Variants in PDE11A observed in about 807,000 individuals in gnomAD.
PDE11A encodes the protein dual 3',5'-cyclic-AMP and -GMP phosphodiesterase 11A.
PDE11A carries 100 observed loss-of-function variants against 100.5 expected under a neutral mutation model. That is an observed-to-expected ratio of 1.00 (90% CI 0.85 to 1.18). PDE11A has a LOEUF of 1.18. Ranked by LOEUF, PDE11A falls within the 50% of genes most tolerant of loss-of-function variation. PDE11A has a pLI of 0.00. For missense variants in PDE11A, 1,141 were observed against 1,152.6 expected, an observed-to-expected ratio of 0.99 and a Z score of 0.15; for synonymous variants, 381 against 420.8, an observed-to-expected ratio of 0.91 and a Z score of 1.16.
At chr2:178,072,972 T>C (rs1024744204), upstream of PDE11A, 3 of 985,240 alleles carry the variant, frequency 3.0e-6, no homozygotes. Flanking sequence ...GACTCCTGAT[T>C]GGAACACGAT....
chr2:177,751,955 G>A (rs145541687), intron 10 of PDE11A, among the ~76,000 whole-genome samples: 1 of 152,260 alleles, frequency 6.6e-6, no homozygotes, highest in African/African-American at 2.4e-5. Context: ...AGGGGTTAAG[G>A]TGTTGCCTAC....
At chr2:177,784,647 C>G (rs763318548) in intron 9 of PDE11A, among the ~76,000 whole-genome samples, 1 of 152,214 alleles carries the variant, frequency 6.6e-6, no homozygotes, top group African/African-American at 2.4e-5. Flanking sequence ...TCACTTTACT[C>G]TATCACTTTA....
At chr2:178,076,126 A>G (rs1272625140), upstream of PDE11A, among the ~76,000 whole-genome samples, 1 of 152,138 alleles carries the variant, frequency 6.6e-6, no homozygotes, top group Non-Finnish European at 1.5e-5. Flanking sequence ...CACACGTGAA[A>G]AGGCATGATA....
Position 177,757,003 on chromosome 2 carries a change from C to T in PDE11A, c.1788+12320G>A, listed in dbSNP as rs116681230. ...AAGACGAGAAGAATCTCAAACAAAA[C>T]GCATTCCATGACATTTCAAAAAGGA... On this transcript the variant is annotated intron_variant, in intron 10 of 19. Coordinates refer to ENST00000286063, the MANE Select transcript of PDE11A (RefSeq NM_016953.4). Among the ~76,000 whole-genome samples, 328 of 152,282 alleles carry T rather than the reference C, an allele frequency of 2.2e-3. 1 individual carries two copies. Among genetic ancestry groups the T allele is most frequent in the African/African-American group, 7.5e-3 (312 of 41,546 alleles).
At chr2:178,010,550 A>G (rs1408327969) in intron 2 of PDE11A, among the ~76,000 whole-genome samples, 2 of 152,224 alleles carry the variant, frequency 1.3e-5, no homozygotes, top group African/African-American at 4.8e-5. Context: ...CAGTAATTTC[A>G]GTCTTTGGAA....
At chr2:177,679,641 G>A (rs763731325) in intron 16 of PDE11A, among the ~76,000 whole-genome samples, 2 of 152,124 alleles carry the variant, frequency 1.3e-5, no homozygotes, top group Non-Finnish European at 2.9e-5. Context: ...TGCCTTGCAA[G>A]AAATTAGGAA....
chr2:177,843,567 C>T (rs1040034383), intron 5 of PDE11A, among the ~76,000 whole-genome samples: 1 of 152,162 alleles, frequency 6.6e-6, no homozygotes, highest in Non-Finnish European at 1.5e-5. Context: ...CTGAAAAACT[C>T]ACTCTAAATC....
At chr2:177,932,137 C>A (rs1361260683) in intron 2 of PDE11A, among the ~76,000 whole-genome samples, 1 of 151,994 alleles carries the variant, frequency 6.6e-6, no homozygotes, top group African/African-American at 2.4e-5. Context: ...ACAAAACAGA[C>A]CAATATCAAT....
chr2:177,770,145 C>A (rs917636274), intron 9 of PDE11A, among the ~76,000 whole-genome samples: 6 of 152,160 alleles, frequency 3.9e-5, no homozygotes, highest in African/African-American at 1.2e-4. Context: ...TGCTTCCCTG[C>A]CCTATTGACA....
chr2:178,090,528 G>GTCAAAATAT (rs61389161), intron 2 of PDE11A, among the ~76,000 whole-genome samples: 8 of 151,496 alleles, frequency 5.3e-5, no homozygotes, highest in African/African-American at 1.7e-4. Flanking sequence ...CTTCCCATAA[G>GTCAAAATAT]TCAAGCTCCA....
intron 19 of PDE11A, among the ~76,000 whole-genome samples, chr2:177,634,630 C>T (rs2080010158): frequency 1.3e-5 from 2 of 152,086 alleles, no homozygotes; most frequent in Non-Finnish European, 2.9e-5. Flanking sequence ...CCTCGTGATC[C>T]CCCCGCCTCC....
At chr2:177,939,392 G>A (rs1228485945) in intron 2 of PDE11A, among the ~76,000 whole-genome samples, 1 of 147,524 alleles carries the variant, frequency 6.8e-6, no homozygotes, top group African/African-American at 2.5e-5. Flanking sequence ...AGGAAGGAGG[G>A]AGAGAGGGAG....
At chr2:177,923,881 G>A (rs1044208953) in intron 2 of PDE11A, among the ~76,000 whole-genome samples, 8 of 152,084 alleles carry the variant, frequency 5.3e-5, no homozygotes, top group Non-Finnish European at 7.4e-5. Flanking sequence ...AACATCCAGC[G>A]CAATACCTAG....
rs142512764 is a variant in PDE11A at position 177,742,234 on chromosome 2, A to G, written c.1789-14062T>C. Reference sequence around the variant, plus strand: ...CTATCATTATACTCCCTGTATTTAGAGAAAACTATACATGACTATCCTGTT... The same window carrying G: ...CTATCATTATACTCCCTGTATTTAGGGAAAACTATACATGACTATCCTGTT... On this transcript the variant is annotated intron_variant, in intron 10 of 19. Transcript: ENST00000286063. 4.6e-5 allele frequency among the ~76,000 whole-genome samples: 7 copies of G among 151,948 alleles called. No individual in the cohort carries two copies. The East Asian group carries it at 1.4e-3, about 29-fold the overall frequency.
chr2:177,711,459 A>G (rs1441250378), intron 13 of PDE11A, among the ~76,000 whole-genome samples: 4 of 152,244 alleles, frequency 2.6e-5, no homozygotes, highest in Non-Finnish European at 5.9e-5. Context: ...AAGTCCAAGA[A>G]GCTTATAACG....
intron 15 of PDE11A, among the ~76,000 whole-genome samples, chr2:177,689,179 T>C (rs1255142591): frequency 2.6e-5 from 4 of 152,084 alleles, no homozygotes; most frequent in Admixed American, 2.6e-4. Context: ...TCCTCTCGGG[T>C]TCAAGAGATT....
At chr2:177,860,058 T>C (rs2083919204) in intron 5 of PDE11A, among the ~76,000 whole-genome samples, 1 of 151,552 alleles carries the variant, frequency 6.6e-6, no homozygotes, top group South Asian at 2.1e-4. Flanking sequence ...CTTAAGATAC[T>C]AGAAAAAGGA....
chr2:177,677,847 T>C (rs775709629), intron 16 of PDE11A: 2 of 152,236 alleles, frequency 1.3e-5, no homozygotes, highest in Non-Finnish European at 2.9e-5. Flanking sequence ...GAGGTCCCTA[T>C]AATTCTAGTT....
intron 19 of PDE11A, among the ~76,000 whole-genome samples, chr2:177,657,393 C>T (rs1265144035): frequency 9.9e-5 from 15 of 152,216 alleles, no homozygotes; most frequent in Admixed American, 6.5e-4. Flanking sequence ...CAGCTAGAAA[C>T]AAGCTGCCAT....
Sources: allele counts gnomAD v4.1 joint callset (sites outside exome capture counted in the v4.1 genomes callset), GRCh38; gene constraint gnomAD v4.1.1; transcripts MANE v1.5; gene names NCBI Gene and HGNC (gene_info 2026-07-23, HGNC 2026-07-21).